MACROH2A2: variants seen among roughly 807,000 people sequenced by gnomAD.
MACROH2A2 encodes the protein macroH2A.2 histone.
MACROH2A2 carries 6 observed loss-of-function variants against 37.6 expected under a neutral mutation model. The ratio of observed to expected loss-of-function variants is 0.16; its 90% CI spans 0.09 to 0.32. The LOEUF is 0.32. Among genes scored for constraint, MACROH2A2 ranks in the 10% least tolerant of loss-of-function variants. The pLI is 1.00. For synonymous variants in MACROH2A2, 192 were observed against 202.7 expected, an observed-to-expected ratio of 0.95 and a Z score of 0.45; for missense variants, 290 against 485.9, an observed-to-expected ratio of 0.60 and a Z score of 3.79.
rs545250761 is a variant in MACROH2A2, at chr10:70,053,905, G to A, written c.-60+905G>A. On this transcript the variant is annotated intron_variant, in intron 1 of 8. Transcript: ENST00000373255. The surrounding 1 kb of genome is among the most constrained non-coding windows in gnomAD (Gnocchi z 4.8). Reference sequence around the variant, plus strand: ...GCAGGAAAGGGCTCTGCCGGGCGCCGGACGCCGTGCGTATCGCTCGCGGGG... The same window carrying A: ...GCAGGAAAGGGCTCTGCCGGGCGCCAGACGCCGTGCGTATCGCTCGCGGGG... Among the ~76,000 whole-genome samples the A allele has an allele frequency of 2.6e-5, 4 of 152,288 alleles. No individual in the cohort carries two copies. The South Asian group carries it at 8.3e-4, about 32-fold the overall frequency.
Position 70,074,710 on chromosome 10 carries a change from G to C in MACROH2A2, c.-59-890G>C, listed in dbSNP as rs554309464. Among the ~76,000 whole-genome samples the C allele has an allele frequency of 2.6e-5, 4 of 152,202 alleles. No homozygotes were observed. In the East Asian group the frequency reaches 7.7e-4, roughly 29 times the overall value. On this transcript the variant is annotated intron_variant, in intron 1 of 8. Transcript: ENST00000373255. ...GGGTTTATAAGAGGAAACCCCTTTC[G>C]CTTGGTTCTCATTCTCTCTTGTCTA...
intron 1 of MACROH2A2, among the ~76,000 whole-genome samples, chr10:70,054,253 G>C (rs551617623): frequency 6.6e-6 from 1 of 152,346 alleles, no homozygotes; most frequent in East Asian, 1.9e-4. Flanking sequence ...GGCGCGAGAA[G>C]AAATGGGCTG....
chr10:70,053,513 G>T lies in MACROH2A2; in HGVS notation c.-60+513G>T, dbSNP rs1006359419. Among the ~76,000 whole-genome samples the T allele has an allele frequency of 6.6e-6, 1 of 151,778 alleles. No individual in the cohort carries two copies. Among genetic ancestry groups the T allele is most frequent in the Admixed American group, 6.6e-5 (1 of 15,260 alleles). On this transcript the variant is annotated intron_variant, in intron 1 of 8. Coordinates refer to ENST00000373255, the MANE Select transcript of MACROH2A2 (RefSeq NM_018649.3). This position sits in a 1 kb window ranked among gnomAD's most constrained non-coding sequence, Gnocchi z 4.8. Reference sequence around the variant, plus strand: ...CCGGGCAGGGCGCCGGCGGCTCCAGGCTGACAATGGAGGGGGCGCGGAGCA... The same window carrying T: ...CCGGGCAGGGCGCCGGCGGCTCCAGTCTGACAATGGAGGGGGCGCGGAGCA...
chr10:70,093,154 T>A (rs1218306278), intron 4 of MACROH2A2, among the ~76,000 whole-genome samples: 1 of 152,178 alleles, frequency 6.6e-6, no homozygotes, highest in Non-Finnish European at 1.5e-5. Context: ...GAATTATAAG[T>A]GTGAGCTAAG....
intron 1 of MACROH2A2, among the ~76,000 whole-genome samples, chr10:70,073,363 G>T (rs146390798): frequency 6.6e-6 from 1 of 152,316 alleles, no homozygotes; most frequent in African/African-American, 2.4e-5. Context: ...CAGCAGCACG[G>T]CAAAGGTGGG....
At chr10:70,111,385 AGGGTCAAAGGAGATCATGCAT>A in intron 8 of MACROH2A2, 112 bp from the exon 9 acceptor site, 1 of 658,142 alleles carries the variant, frequency 1.5e-6, no homozygotes, top group Non-Finnish European at 2.4e-6. Flanking sequence ...CCCTTTGGCT[AGGGTCAAAGGAGATCATGCAT>A]GGACTAGCCC....
At chr10:70,078,034 TGATG>T (rs2072151363) in intron 2 of MACROH2A2, among the ~76,000 whole-genome samples, 1 of 152,184 alleles carries the variant, frequency 6.6e-6, no homozygotes, top group Non-Finnish European at 1.5e-5. Flanking sequence ...AATATTTGTG[TGATG>T]AAAATAACTA....
Position 70,075,785 on chromosome 10 carries a change from G to T in MACROH2A2, c.127G>T (p.Val43Leu). ...AGGGACGTTCAAGTACCGGATCAGCGTGGGCGCCCCTGTCTACATGGCGGC... is the reference window on the plus strand; with the variant it reads ...AGGGACGTTCAAGTACCGGATCAGCTTGGGCGCCCCTGTCTACATGGCGGC... ...KKGTFKYRIS[V>L]GAPVYMAAVI... Residue 43 changes from valine (V) to leucine (L), a missense_variant, in exon 2 of 9, where the codon GTG (valine) becomes TTG (leucine). By Grantham distance (32) the Val-to-Leu change is conservative (BLOSUM62 1). Around this residue, in one of 3 missense-constraint regions of MACROH2A2, gnomAD observed 83 missense variants for 159.9 expected, o/e 0.52. Transcript: ENST00000373255. The surrounding 1 kb of genome is among the most constrained non-coding windows in gnomAD (Gnocchi z 5.0). 6.2e-7 allele frequency: 1 copy of T among 1,613,978 alleles called. No homozygotes were observed. Among genetic ancestry groups the T allele is most frequent in the Non-Finnish European group, 8.5e-7 (1 of 1,180,026 alleles).
Position 70,075,897 on chromosome 10 carries a change from A to G in MACROH2A2, c.172+67A>G. The G allele has an allele frequency of 7.4e-7, 1 of 1,346,870 alleles. No individual in the cohort carries two copies. Among genetic ancestry groups the G allele is most frequent in the South Asian group, 1.3e-5 (1 of 78,408 alleles). 83.4% of individuals were successfully genotyped at this position (1,346,870 alleles called of 1,614,324 possible). On this transcript the variant is annotated intron_variant, in intron 2 of 8. Coordinates refer to ENST00000373255, the MANE Select transcript of MACROH2A2 (RefSeq NM_018649.3). The surrounding 1 kb of genome is among the most constrained non-coding windows in gnomAD (Gnocchi z 5.0). ...CCACCCTCCCCTGGGTCCCCCTCGC[A>G]GGCTGGGGAGGGATGCTCCAAATTG...
intron 8 of MACROH2A2, among the ~76,000 whole-genome samples, chr10:70,109,455 A>G (rs926599654): frequency 2.6e-5 from 4 of 152,218 alleles, no homozygotes; most frequent in African/African-American, 9.7e-5. Context: ...TTAAAGCCCC[A>G]GGAGGAAGGC....
At chr10:70,101,432 C>T (rs190312199) in intron 7 of MACROH2A2, among the ~76,000 whole-genome samples, 24 of 152,254 alleles carry the variant, frequency 1.6e-4, no homozygotes, top group African/African-American at 5.3e-4. Flanking sequence ...ATCCAAGCCA[C>T]GAGGGGTTTT....
At chr10:70,069,179 T>C (rs954297161) in intron 1 of MACROH2A2, among the ~76,000 whole-genome samples, 4 of 152,228 alleles carry the variant, frequency 2.6e-5, no homozygotes, top group African/African-American at 7.2e-5. Context: ...GGTGTTGTTA[T>C]GGGCTTAAAA....
At chr10:70,106,826 TTTACA>T (rs1224579634) in intron 7 of MACROH2A2, among the ~76,000 whole-genome samples, 4 of 148,276 alleles carry the variant, frequency 2.7e-5, no homozygotes, top group African/African-American at 1.0e-4. Flanking sequence ...AAAAAAAGAC[TTTACA>T]TTAGAGGAAT....
intron 1 of MACROH2A2, among the ~76,000 whole-genome samples, chr10:70,057,368 G>A (rs1310367223): frequency 6.6e-6 from 1 of 151,954 alleles, no homozygotes; most frequent in Admixed American, 6.6e-5. Context: ...TGGGGAGTGG[G>A]AGAATGCTAA....
chr10:70,111,538 C>G lies in MACROH2A2; in HGVS notation c.974C>G (p.Thr325Ser), dbSNP rs1428428815. The G allele has an allele frequency of 6.2e-7, 1 of 1,613,566 alleles. No homozygotes were observed. The highest frequency in any genetic ancestry group is 8.5e-7 in the Non-Finnish European group (1 of 1,179,810). The part of the protein sequence containing the change: ...PSGRNCFPKQ[T>S]AAQVTLKAIS... The stretch of plus-strand genomic sequence containing the variant: ...CACAGAAACTGCTTTCCCAAACAGA[C>G]TGCGGCCCAGGTGACCCTCAAAGCC... The change falls in exon 9 of 9, where the codon ACT (threonine) becomes AGT (serine). Residue 325 changes from threonine (T) to serine (S), a missense_variant. Around this residue, in one of 3 missense-constraint regions of MACROH2A2, gnomAD observed 130 missense variants for 257.1 expected, o/e 0.51. Coordinates refer to ENST00000373255, the MANE Select transcript of MACROH2A2 (RefSeq NM_018649.3).
intron 1 of MACROH2A2, among the ~76,000 whole-genome samples, chr10:70,068,117 T>A (rs1295227690): frequency 1.3e-5 from 2 of 150,972 alleles, no homozygotes; most frequent in Non-Finnish European, 3.0e-5. Context: ...TTTTTTTTTT[T>A]ACTATGTGCA....
intron 1 of MACROH2A2, among the ~76,000 whole-genome samples, chr10:70,054,179 T>C (rs1312572596): frequency 6.6e-6 from 1 of 152,226 alleles, no homozygotes; most frequent in East Asian, 1.9e-4. Flanking sequence ...ACCGTGGGCC[T>C]GACTGAGGCC....
intron 1 of MACROH2A2, among the ~76,000 whole-genome samples, chr10:70,067,404 T>C (rs887110630): frequency 3.9e-5 from 6 of 152,106 alleles, no homozygotes; most frequent in East Asian, 1.9e-4. Context: ...AAAAAAACAA[T>C]TCGTCTTGAC....
At chr10:70,102,558 A>C (rs2072312921) in intron 7 of MACROH2A2, among the ~76,000 whole-genome samples, 2 of 152,106 alleles carry the variant, frequency 1.3e-5, no homozygotes, top group African/African-American at 4.8e-5. Context: ...CTCTACTAAA[A>C]ATACAAAAAT....
Sources: gnomAD v4.1 joint callset for allele counts (sites outside exome capture counted in the v4.1 genomes callset) on GRCh38, gnomAD v4.1.1 for gene constraint, gnomAD v4.1.1 regional missense constraint, Gnocchi (gnomAD v3.1) non-coding constraint, MANE v1.5 for transcripts, NCBI Gene and HGNC (gene_info 2026-07-23, HGNC 2026-07-21) for gene names.